COL4A1: variants seen among roughly 807,000 people sequenced by gnomAD.
The protein encoded by COL4A1 is collagen alpha-1(IV) chain.
In COL4A1, 40 loss-of-function variants were observed where a neutral mutation model predicts 216.6. The observed-to-expected ratio is 0.18, with a 90% confidence interval of 0.14 to 0.24. The LOEUF (loss-of-function observed/expected upper bound fraction) is 0.24, where lower values mean the gene tolerates loss of function less well. Ranked by LOEUF, COL4A1 falls within the 10% of genes least tolerant of loss-of-function variation. The pLI is 1.00. For synonymous variants in COL4A1, 839 were observed against 810.7 expected (o/e 1.03, Z -0.59); for missense variants, 1,628 against 2,196.8 (o/e 0.74, Z 5.18).
intron 2 of COL4A1, among the ~76,000 whole-genome samples, chr13:110,230,262 A>G (rs1424849966): frequency 6.6e-6 from 1 of 151,418 alleles, no homozygotes; most frequent in African/African-American, 2.4e-5. Flanking sequence ...TGGTGTGTGT[A>G]TATGTTATGT....
intron 51 of COL4A1, among the ~76,000 whole-genome samples, chr13:110,151,470 A>T (rs1300344731): frequency 6.6e-6 from 1 of 152,234 alleles, no homozygotes; most frequent in Non-Finnish European, 1.5e-5. Context: ...ACCACCAGTT[A>T]GGCACGCGGC....
intron 44 of COL4A1, 26 bp from the exon 45 acceptor site, chr13:110,166,329 T>C (rs757016082): frequency 2.1e-6 from 3 of 1,420,256 alleles, no homozygotes; most frequent in African/African-American, 1.4e-5. Flanking sequence ...AAGCACTGTC[T>C]TGCACAGAAT....
At chr13:110,200,090 T>G (rs1014522335) in intron 20 of COL4A1, among the ~76,000 whole-genome samples, 5 of 152,142 alleles carry the variant, frequency 3.3e-5, no homozygotes, top group African/African-American at 1.2e-4. Flanking sequence ...CAAAAATAAA[T>G]GTAAACATCA....
intron 30 of COL4A1, 31 bp from the exon 31 acceptor site, chr13:110,179,067 C>A: frequency 1.9e-6 from 3 of 1,592,992 alleles, no homozygotes; most frequent in Non-Finnish European, 2.6e-6. Context: ...GTAAGCTGTA[C>A]AGGAGCAGTG....
At chr13:110,201,223 C>T (rs1200103634) in intron 19 of COL4A1, among the ~76,000 whole-genome samples, 2 of 112,314 alleles carry the variant, frequency 1.8e-5, no homozygotes, top group African/African-American at 6.7e-5. Context: ...AAATAGAAAG[C>T]GTGGGGAGAG....
chr13:110,249,632 G>A (rs1247020978), intron 1 of COL4A1, among the ~76,000 whole-genome samples: 2 of 152,130 alleles, frequency 1.3e-5, no homozygotes, highest in African/African-American at 2.4e-5. Flanking sequence ...CGTGCCTTCT[G>A]GTAATGTTCT....
At position 110,211,873 on chromosome 13, in the gene COL4A1, T is replaced by C; in HGVS notation, c.437A>G (p.Asn146Ser). Reference protein sequence around the residue: ...GPPGLPGFAGNPGPPGLPGMK... With the variant: ...GPPGLPGFAGSPGPPGLPGMK... ...CCCTAAATAACCTCTACTCACGGGATTTCCAGCGAAACCAGGCAAGCCAGG... is the reference window on the plus strand; with the variant it reads ...CCCTAAATAACCTCTACTCACGGGACTTCCAGCGAAACCAGGCAAGCCAGG... The change falls in exon 7 of 52, where the codon AAT becomes AGT. Residue 146 changes from asparagine to serine, a missense_variant. Physicochemically the swap from Asn to Ser is conservative, Grantham distance 46. This residue lies in a region of COL4A1 where 150 missense variants were observed against 211.9 expected (regional missense o/e 0.71). Transcript: ENST00000375820. The surrounding 1 kb of genome is among the most constrained non-coding windows in gnomAD (Gnocchi z 4.3). The C allele has an allele frequency of 1.9e-6, 3 of 1,614,058 alleles. No homozygotes were observed. Among genetic ancestry groups the C allele is most frequent in the Non-Finnish European group, 2.5e-6 (3 of 1,180,010 alleles).
chr13:110,213,752 T>C (rs1435652813), intron 4 of COL4A1, 30 bp downstream of exon 4: 2 of 1,611,934 alleles, frequency 1.2e-6, no homozygotes, highest in Middle Eastern at 1.7e-4. Flanking sequence ...ACGCATGGAA[T>C]CATCGATTGT....
intron 4 of COL4A1, 45 bp from the exon 5 acceptor site, chr13:110,212,663 C>G: frequency 1.2e-6 from 2 of 1,607,562 alleles, no homozygotes; most frequent in East Asian, 2.2e-5. Context: ...AGCCGGGAAG[C>G]CTCACTTCCT....
chr13:110,209,855 C>T (rs766343570), intron 10 of COL4A1, 125 bp downstream of exon 10: 31 of 1,186,960 alleles, frequency 2.6e-5, no homozygotes, highest in African/African-American at 9.0e-5. Flanking sequence ...AAGCTGATTC[C>T]GCCATGTCCA....
At position 110,200,901 on chromosome 13, in the gene COL4A1, A is replaced by G; in HGVS notation, c.1085-12T>C. 1 of 1,613,954 alleles carries G rather than the reference A, an allele frequency of 6.2e-7. No homozygotes were observed. The highest frequency in any genetic ancestry group is 1.1e-5 in the South Asian group (1 of 91,060). On this transcript the variant is annotated splice_polypyrimidine_tract_variant and intron_variant, in intron 19 of 51. Transcript: ENST00000375820. ...TAGTCCTGGGAAACCTGAAAAGAGA[A>G]AGAGAGTGTTGGATCAAACAGAACA...
chr13:110,188,868 C>G (rs1878510381), intron 24 of COL4A1, among the ~76,000 whole-genome samples: 1 of 152,204 alleles, frequency 6.6e-6, no homozygotes, highest in East Asian at 1.9e-4. Flanking sequence ...CCCATTCCAT[C>G]TTCCATACCA....
intron 1 of COL4A1, among the ~76,000 whole-genome samples, chr13:110,250,779 G>C (rs183822678): frequency 6.6e-6 from 1 of 152,306 alleles, no homozygotes; most frequent in African/African-American, 2.4e-5. Context: ...TGAGTCACTG[G>C]CCTGACGCAC....
chr13:110,175,070 G>T, intron 37 of COL4A1, 148 bp downstream of exon 37: 2 of 976,766 alleles, frequency 2.0e-6, no homozygotes, highest in East Asian at 2.5e-5. Context: ...GTGAATACAA[G>T]GGGAAGGAGA....
intron 2 of COL4A1, among the ~76,000 whole-genome samples, chr13:110,237,103 G>A (rs562161576): frequency 2.6e-4 from 39 of 152,280 alleles, no homozygotes; most frequent in Middle Eastern, 6.8e-3. Context: ...GTCCCGACCC[G>A]TTAGAGAAAG....
rs186875830 is a variant in COL4A1 at position 110,296,009 on chromosome 13, G to A, written c.84+10935C>T. ...CAGTGCTGGCTAACTTCAGCCCTGC[G>A]CCTCTCCCACTTGATTAAGAGACCA... is the stretch of plus-strand genomic sequence containing the variant. On this transcript the variant is annotated intron_variant, in intron 1 of 51. Transcript: ENST00000375820. 1.6e-4 allele frequency among the ~76,000 whole-genome samples: 24 copies of A among 152,294 alleles called. No individual in the cohort carries two copies. The East Asian group carries it at 4.1e-3, about 26-fold the overall frequency.
chr13:110,200,861 T>C lies in COL4A1; in HGVS notation c.1113A>G (p.Gly371=). 6.2e-7 allele frequency: 1 copy of C among 1,613,992 alleles called. No individual in the cohort carries two copies. The highest frequency in any genetic ancestry group is 8.5e-7 in the Non-Finnish European group (1 of 1,180,002). ...KGFPGLPGQP[G]PPGLPVPGQA... ...TCAGTTAAGGAGTCTCACCTGGAGGTCCGGGTTGGCCTGGTAGTCCTGGGA... is the reference window on the plus strand; with the variant it reads ...TCAGTTAAGGAGTCTCACCTGGAGGCCCGGGTTGGCCTGGTAGTCCTGGGA... The change falls in exon 20 of 52, where the codon GGA becomes GGG. Residue 371 remains glycine, a synonymous_variant. Coordinates refer to ENST00000375820, the MANE Select transcript of COL4A1 (RefSeq NM_001845.6).
chr13:110,284,260 G>C (rs1245205319), intron 1 of COL4A1, among the ~76,000 whole-genome samples: 2 of 152,180 alleles, frequency 1.3e-5, no homozygotes, highest in East Asian at 3.9e-4. Context: ...CACAAGCAGA[G>C]CTAAGCTGGG....
Position 110,211,751 on chromosome 13 carries a change from A to G in COL4A1, c.442-78T>C. Reference sequence around the variant, plus strand: ...ATTAAAATTGTTATCATGTAATATTATATATAAAATATAAGTTATTAAAAC... The same window carrying G: ...ATTAAAATTGTTATCATGTAATATTGTATATAAAATATAAGTTATTAAAAC... On this transcript the variant is annotated intron_variant, in intron 7 of 51. Transcript: ENST00000375820. The surrounding 1 kb of genome is among the most constrained non-coding windows in gnomAD (Gnocchi z 4.3). 1 of 1,420,650 alleles carries G rather than the reference A, an allele frequency of 7.0e-7. No homozygotes were observed. Among genetic ancestry groups the G allele is most frequent in the Non-Finnish European group, 9.6e-7 (1 of 1,038,406 alleles). The allele number at this position is 1,420,650 out of a possible 1,614,324, so 88.0% of individuals were successfully genotyped here. A position where few individuals can be genotyped will look rare whatever the true frequency, so the allele number is the denominator to read the frequency against.
Sources: allele counts gnomAD v4.1 joint callset (sites outside exome capture counted in the v4.1 genomes callset), GRCh38; gene constraint gnomAD v4.1.1; regional missense constraint gnomAD v4.1.1; non-coding constraint Gnocchi (gnomAD v3.1); transcripts MANE v1.5; gene names NCBI Gene and HGNC (gene_info 2026-07-23, HGNC 2026-07-21).